Variants in DAAM1 observed in about 807,000 individuals in gnomAD.
DAAM1 encodes disheveled-associated activator of morphogenesis 1.
Under a neutral mutation model 130.0 loss-of-function variants are expected in DAAM1, and 52 were observed. The observed-to-expected ratio is 0.40, with a 90% CI of 0.32 to 0.50. The LOEUF is 0.50. Ranked by LOEUF, DAAM1 falls within the 20% of genes least tolerant of loss-of-function variation. DAAM1 has a pLI of 0.61. For missense variants in DAAM1, 1,134 were observed against 1,303.8 expected (o/e 0.87, Z 2.01); for synonymous variants, 452 against 444.5 (o/e 1.02, Z -0.21).
intron 2 of DAAM1, among the ~76,000 whole-genome samples, chr14:59,280,659 C>T (rs10134156): frequency 6.8e-6 from 1 of 147,556 alleles, no homozygotes; most frequent in Non-Finnish European, 1.5e-5. Context: ...GAGAGTCAGA[C>T]GTACCAATAA....
intron 1 of DAAM1, among the ~76,000 whole-genome samples, chr14:59,231,948 G>A (rs1227698243): frequency 6.6e-6 from 1 of 152,198 alleles, no homozygotes. Context: ...AGCATGTGAA[G>A]TGGTGGGCAC....
Position 59,254,547 on chromosome 14 carries a change from G to C in DAAM1, c.-37-8894G>C, listed in dbSNP as rs190001964. Among the ~76,000 whole-genome samples the C allele has an allele frequency of 3.2e-4, 49 of 152,210 alleles. No individual in the cohort carries two copies. The East Asian group carries it at 8.7e-3, about 27-fold the overall frequency. On this transcript the variant is annotated intron_variant, in intron 1 of 24. Coordinates refer to ENST00000360909, the MANE Select transcript of DAAM1 (RefSeq NM_001270520.2). ...TGACTTCAGCTTACATTTGTTTATTGACTTAACTCACAGACTAGCAACAGG... is the reference window on the plus strand; with the variant it reads ...TGACTTCAGCTTACATTTGTTTATTCACTTAACTCACAGACTAGCAACAGG...
chr14:59,206,093 A>G lies in DAAM1; in HGVS notation c.-38+17325A>G, dbSNP rs148496055. Among the ~76,000 whole-genome samples the G allele has an allele frequency of 1.0e-3, 158 of 152,012 alleles. 3 individuals are homozygous for G. The East Asian group carries it at 0.02, about 19-fold the overall frequency. On this transcript the variant is annotated intron_variant, in intron 1 of 24. Coordinates refer to ENST00000360909, the MANE Select transcript of DAAM1 (RefSeq NM_001270520.2). ...GGTCTCGAACTCCTGGGCTCAAGCA[A>G]TTCTCCCACCGTGGCCTCCCAAAGT...
chr14:59,347,000 C>G (rs1396356021), intron 16 of DAAM1, among the ~76,000 whole-genome samples: 1 of 152,014 alleles, frequency 6.6e-6, no homozygotes, highest in Non-Finnish European at 1.5e-5. Context: ...AATCACTTGG[C>G]CATTCTGGGC....
At chr14:59,211,678 TAATC>T (rs1888429385) in intron 1 of DAAM1, among the ~76,000 whole-genome samples, 1 of 152,234 alleles carries the variant, frequency 6.6e-6, no homozygotes, top group South Asian at 2.1e-4. Context: ...CTGAGTAAAA[TAATC>T]AGACACTTCA....
chr14:59,230,854 T>C (rs916042800), intron 1 of DAAM1, among the ~76,000 whole-genome samples: 2 of 152,188 alleles, frequency 1.3e-5, no homozygotes, highest in African/African-American at 2.4e-5. Context: ...CTCACAGATA[T>C]GTACACCTAT....
intron 3 of DAAM1, among the ~76,000 whole-genome samples, chr14:59,302,106 C>T (rs1317522488): frequency 2.0e-5 from 3 of 152,174 alleles, no homozygotes; most frequent in African/African-American, 7.2e-5. Context: ...GGTAGATATA[C>T]TGCAAATATT....
intron 3 of DAAM1, among the ~76,000 whole-genome samples, chr14:59,294,807 A>G (rs1883891106): frequency 6.6e-6 from 1 of 152,232 alleles, no homozygotes; most frequent in Non-Finnish European, 1.5e-5. Flanking sequence ...ATCTGACCAC[A>G]AAAAGGCGTC....
chr14:59,324,395 G>C lies in DAAM1; in HGVS notation c.930G>C (p.Met310Ile). 2 of 1,596,594 alleles carry C rather than the reference G, an allele frequency of 1.3e-6. No individual in the cohort carries two copies. The highest frequency in any genetic ancestry group is 1.7e-6 in the Non-Finnish European group (2 of 1,171,318). Residue 310 changes from methionine to isoleucine, a missense_variant, in exon 8 of 25, where the codon ATG becomes ATC. Physicochemically the swap from Met to Ile is conservative, Grantham distance 10. This residue lies in a region of DAAM1 where 391 missense variants were observed against 521.6 expected (regional missense o/e 0.75). Transcript: ENST00000360909. ...FRLHLRYEFL[M>I]LGIQPVIDKL... Reference sequence around the variant, plus strand: ...TTCATCTTCGCTATGAATTTCTGATGTTAGGAATTCAACCTGTAATAGATA... The same window carrying C: ...TTCATCTTCGCTATGAATTTCTGATCTTAGGAATTCAACCTGTAATAGATA...
chr14:59,223,362 T>C (rs1848302241), intron 1 of DAAM1, among the ~76,000 whole-genome samples: 2 of 152,200 alleles, frequency 1.3e-5, no homozygotes, highest in Admixed American at 6.5e-5. Flanking sequence ...GATTAAGTGC[T>C]CATTTTCTAC....
At chr14:59,367,677 C>T in intron 24 of DAAM1, 78 bp downstream of exon 24, 1 of 1,494,072 alleles carries the variant, frequency 6.7e-7, no homozygotes, top group Admixed American at 2.2e-5. Context: ...ATTTAGAGAG[C>T]ACTCTGACCT....
intron 1 of DAAM1, among the ~76,000 whole-genome samples, chr14:59,193,120 A>G (rs183114438): frequency 1.1e-4 from 16 of 152,370 alleles, no homozygotes; most frequent in African/African-American, 3.4e-4. Flanking sequence ...CACAGGTACT[A>G]TTTAAGAAAC....
intron 2 of DAAM1, chr14:59,264,044 C>G (rs1026381769): frequency 3.4e-6 from 1 of 290,954 alleles, no homozygotes; most frequent in African/African-American, 2.2e-5. Context: ...CTAATGCTCC[C>G]CTACCCCCAC....
chr14:59,338,619 T>C (rs1400837447), intron 15 of DAAM1, among the ~76,000 whole-genome samples: 1 of 152,212 alleles, frequency 6.6e-6, no homozygotes, highest in African/African-American at 2.4e-5. Context: ...ACAGTTGACA[T>C]TTGATCACCT....
chr14:59,232,633 C>CT (rs199972715), intron 1 of DAAM1, among the ~76,000 whole-genome samples: 28,017 of 146,624 alleles, frequency 0.19, 3,016 homozygotes, highest in Non-Finnish European at 0.25. Context: ...AAAATTTTCT[C>CT]TTTTTTTTTT....
At chr14:59,260,115 A>G (rs2139499905) in intron 1 of DAAM1, among the ~76,000 whole-genome samples, 1 of 152,368 alleles carries the variant, frequency 6.6e-6, no homozygotes, top group East Asian at 1.9e-4. Context: ...TTCAGTTTAT[A>G]ACAGATTGGA....
chr14:59,200,897 C>G (rs1054904059), intron 1 of DAAM1, among the ~76,000 whole-genome samples: 1 of 152,068 alleles, frequency 6.6e-6, no homozygotes, highest in African/African-American at 2.4e-5. Flanking sequence ...TGCGGTGGCT[C>G]GCTCCTGTAG....
chr14:59,208,394 G>A (rs974720977), intron 1 of DAAM1, among the ~76,000 whole-genome samples: 14 of 152,060 alleles, frequency 9.2e-5, no homozygotes, highest in Admixed American at 6.5e-4. Context: ...AACAAGAAAC[G>A]AATGAGTCAT....
chr14:59,190,288 ATTGT>A (rs1248367495), intron 1 of DAAM1, among the ~76,000 whole-genome samples: 2 of 152,058 alleles, frequency 1.3e-5, no homozygotes, highest in Non-Finnish European at 2.9e-5. Context: ...CCTGAAACTA[ATTGT>A]TTGGCGCCTT....
Sources: gnomAD v4.1 joint callset for allele counts (sites outside exome capture counted in the v4.1 genomes callset) on GRCh38, gnomAD v4.1.1 for gene constraint, gnomAD v4.1.1 regional missense constraint, MANE v1.5 for transcripts, NCBI Gene and HGNC (gene_info 2026-07-23, HGNC 2026-07-21) for gene names.